Variants in PHF20L1 observed in about 807,000 individuals in gnomAD.
The protein encoded by PHF20L1 is PHD finger protein 20-like protein 1.
A neutral mutation model predicts 125.5 loss-of-function variants in PHF20L1; 44 were observed. The observed-to-expected ratio is 0.35, with a 90% CI of 0.28 to 0.45. The LOEUF (loss-of-function observed/expected upper bound fraction) is 0.45, where lower values mean the gene tolerates loss of function less well. PHF20L1 is among the 20% of genes least tolerant of loss of function. The pLI, the probability that PHF20L1 is intolerant of heterozygous loss-of-function variation, is 1.00. For synonymous variants in PHF20L1, 380 were observed against 403.1 expected (o/e 0.94, Z 0.69); for missense variants, 1,012 against 1,217.2 (o/e 0.83, Z 2.51).
intron 2 of PHF20L1, among the ~76,000 whole-genome samples, chr8:132,781,515 G>T (rs145548336): frequency 6.6e-6 from 1 of 151,998 alleles, no homozygotes; most frequent in African/African-American, 2.4e-5. Flanking sequence ...TGCAACCTCC[G>T]CCTCTCAGGT....
chr8:132,797,559 C>T (rs1832549146), intron 4 of PHF20L1, among the ~76,000 whole-genome samples: 1 of 152,018 alleles, frequency 6.6e-6, no homozygotes, highest in Non-Finnish European at 1.5e-5. Flanking sequence ...AGAAGGAAGA[C>T]AGAAAGTTGC....
intron 18 of PHF20L1, chr8:132,841,917 T>A (rs1228440762): frequency 6.6e-6 from 1 of 152,114 alleles, no homozygotes; most frequent in Non-Finnish European, 1.5e-5. Context: ...AGAGTAAAAG[T>A]AAGGGAAATC....
Position 132,842,625 on chromosome 8 carries a change from G to T in PHF20L1, c.2498G>T (p.Arg833Leu). 1.9e-6 allele frequency: 3 copies of T among 1,613,078 alleles called. No individual in the cohort carries two copies. Among genetic ancestry groups the T allele is most frequent in the Non-Finnish European group, 2.5e-6 (3 of 1,179,534 alleles). The change falls in exon 19 of 21, where the codon CGA (arginine) becomes CTA (leucine). Residue 833 changes from arginine to leucine, a missense_variant. Coordinates refer to ENST00000395386, the MANE Select transcript of PHF20L1 (RefSeq NM_016018.5). ...EKKIAQDTVN[R>L]EEKKYVQNHK... Reference sequence around the variant, plus strand: ...AAAATAGCTCAAGACACAGTTAATCGAGAAGAAAAGAAATATGTACAGAAC... The same window carrying T: ...AAAATAGCTCAAGACACAGTTAATCTAGAAGAAAAGAAATATGTACAGAAC...
intron 13 of PHF20L1, 25 bp downstream of exon 13, chr8:132,824,085 G>A: frequency 1.4e-6 from 2 of 1,452,798 alleles, no homozygotes; most frequent in Non-Finnish European, 1.9e-6. Flanking sequence ...TAATCTTTAA[G>A]CAAAAGACTA....
In PHF20L1 at chr8:132,844,242, C is replaced by G; in HGVS notation, c.2835C>G (p.Leu945=). Residue 945 remains leucine (L), a synonymous_variant, in exon 20 of 21, where the codon CTC becomes CTG. Transcript: ENST00000395386. Reference sequence around the variant, plus strand: ...GAGACTCACATCTTCAGTGGCAGCTCAATCTCCTTACACACATAGAAAATG... The same window carrying G: ...GAGACTCACATCTTCAGTGGCAGCTGAATCTCCTTACACACATAGAAAATG... ...DPGDSHLQWQ[L]NLLTHIENVQ... 6.2e-7 allele frequency: 1 copy of G among 1,612,824 alleles called. No individual in the cohort carries two copies. Among genetic ancestry groups the G allele is most frequent in the South Asian group, 1.1e-5 (1 of 91,034 alleles).
At chr8:132,786,115 A>G (rs1162313057) in intron 2 of PHF20L1, among the ~76,000 whole-genome samples, 2 of 152,130 alleles carry the variant, frequency 1.3e-5, no homozygotes, top group African/African-American at 4.8e-5. Context: ...CTAGATTAGC[A>G]AATGTAATTT....
At chr8:132,803,277 G>A (rs1223772295) in intron 6 of PHF20L1, among the ~76,000 whole-genome samples, 1 of 151,692 alleles carries the variant, frequency 6.6e-6, no homozygotes, top group African/African-American at 2.4e-5. Context: ...AACTTCAGTA[G>A]CTTTAGAAAA....
At position 132,820,776 on chromosome 8, in the gene PHF20L1, A is replaced by G. The variant is rs16904743; in HGVS notation, c.1580-3228A>G. 6.3e-3 allele frequency among the ~76,000 whole-genome samples: 961 copies of G among 152,108 alleles called. 54 individuals carry two copies. The East Asian group carries it at 0.14, about 21-fold the overall frequency. ...TTATTCCAAAAAAAGATTATGATGT[A>G]GGATTATTTTTGCTTAAAAACGTCA... On this transcript the variant is annotated intron_variant, in intron 12 of 20. Transcript: ENST00000395386.
chr8:132,829,569 C>T (rs1366044199), intron 14 of PHF20L1, among the ~76,000 whole-genome samples: 2 of 152,012 alleles, frequency 1.3e-5, no homozygotes, highest in Non-Finnish European at 1.5e-5. Flanking sequence ...TAGTGCTGCC[C>T]AAAGACTGCT....
rs1003943326 is a variant in PHF20L1, at chr8:132,784,608, A to G, written c.83+6697A>G. Among the ~76,000 whole-genome samples the G allele has an allele frequency of 2.0e-5, 3 of 152,196 alleles. No homozygotes were observed. The East Asian group carries it at 5.8e-4, about 29-fold the overall frequency. ...GTAGTTCAAAACTGCTGGCTACTAG[A>G]GGAGAAAATGAGAAAAATGTAGAAA... is the stretch of plus-strand genomic sequence containing the variant. On this transcript the variant is annotated intron_variant, in intron 2 of 20. Transcript: ENST00000395386.
In PHF20L1 at chr8:132,832,308, G is replaced by T. The variant is rs1327569430; in HGVS notation, c.1818G>T (p.Gly606=). Residue 606 remains glycine, a synonymous_variant, in exon 15 of 21, where the codon GGG becomes GGT. Coordinates refer to ENST00000395386, the MANE Select transcript of PHF20L1 (RefSeq NM_016018.5). ...CTTCTCCACTAACTCGATCTTCTGG[G>T]AGTTCTCTGGCTTCACGAAGCATGT... ...RCSSPLTRSS[G]SSLASRSMFT... is the part of the protein sequence containing the mutation. 1.9e-6 allele frequency: 3 copies of T among 1,609,524 alleles called. No individual in the cohort carries two copies. In the Middle Eastern group the frequency reaches 5.0e-4, roughly 266 times the overall value.
At chr8:132,830,694 A>T (rs1003163581) in intron 14 of PHF20L1, among the ~76,000 whole-genome samples, 27 of 152,074 alleles carry the variant, frequency 1.8e-4, no homozygotes, top group Admixed American at 1.3e-4. Context: ...AATATTCATC[A>T]TCTTAGCCTC....
chr8:132,784,478 A>G (rs750156371), intron 2 of PHF20L1, among the ~76,000 whole-genome samples: 52 of 151,996 alleles, frequency 3.4e-4, no homozygotes, highest in Non-Finnish European at 6.6e-4. Context: ...CATTTTATCA[A>G]TTTTCACCTA....
intron 8 of PHF20L1, chr8:132,807,000 G>C (rs1221662693): frequency 1.3e-5 from 2 of 151,914 alleles, no homozygotes; most frequent in African/African-American, 4.8e-5. Flanking sequence ...CCCGATTTCT[G>C]TATAGAGAAT....
At chr8:132,811,606 C>T in intron 9 of PHF20L1, 4 of 981,666 alleles carry the variant, frequency 4.1e-6, no homozygotes, top group Non-Finnish European at 4.8e-6. Context: ...TTAATAACTA[C>T]AAAAAAAGAG....
intron 2 of PHF20L1, among the ~76,000 whole-genome samples, chr8:132,790,792 G>A (rs1831599192): frequency 1.3e-5 from 2 of 152,160 alleles, no homozygotes; most frequent in Admixed American, 6.5e-5. Context: ...TGCTGATTAG[G>A]TCTATATTCT....
intron 12 of PHF20L1, among the ~76,000 whole-genome samples, chr8:132,821,107 CCT>C (rs1262657549): frequency 1.3e-5 from 2 of 151,764 alleles, no homozygotes; most frequent in African/African-American, 2.4e-5. Context: ...GAGCAGGTCC[CCT>C]GAGTTTTCGG....
chr8:132,784,337 T>C (rs1176793839), intron 2 of PHF20L1, among the ~76,000 whole-genome samples: 5 of 152,226 alleles, frequency 3.3e-5, no homozygotes, highest in African/African-American at 1.2e-4. Flanking sequence ...TCATAAAATA[T>C]GGATTTTAAG....
chr8:132,791,263 T>TC (rs1831661042), intron 2 of PHF20L1, among the ~76,000 whole-genome samples: 1 of 150,138 alleles, frequency 6.7e-6, no homozygotes, highest in Admixed American at 6.6e-5. Flanking sequence ...CCTTTTTTTT[T>TC]TTTTTTTTTT....
Sources: allele counts gnomAD v4.1 joint callset (sites outside exome capture counted in the v4.1 genomes callset), GRCh38; gene constraint gnomAD v4.1.1; transcripts MANE v1.5; gene names NCBI Gene and HGNC (gene_info 2026-07-23, HGNC 2026-07-21).